CD44: variants seen among roughly 807,000 people sequenced by gnomAD.
CD44 encodes the protein CD44 molecule (IN blood group).
A neutral mutation model predicts 88.8 loss-of-function variants in CD44; 49 were observed. That is an observed-to-expected ratio of 0.55 (90% CI 0.44 to 0.70). The LOEUF (loss-of-function observed/expected upper bound fraction) is 0.70. CD44 is among the 30% of genes least tolerant of loss of function. The pLI, the probability that CD44 is intolerant of heterozygous loss-of-function variation, is 0.00. For missense variants in CD44, 883 were observed against 913.8 expected (o/e 0.97, Z 0.43); for synonymous variants, 325 against 312.3 (o/e 1.04, Z -0.43).
rs201143558 is a variant in CD44 at position 35,201,763 on chromosome 11, G to A, written c.1129G>A (p.Glu377Lys). 10 of 1,613,804 alleles carry A rather than the reference G, an allele frequency of 6.2e-6. No homozygotes were observed. The highest frequency in any genetic ancestry group is 7.6e-6 in the Non-Finnish European group (9 of 1,179,744). Residue 377 changes from glutamate (E) to lysine (K), a missense_variant, in exon 9 of 18, where the codon GAG becomes AAG. By Grantham distance (56) the Glu-to-Lys change is moderately conservative. Around this residue, in one of 2 missense-constraint regions of CD44, gnomAD observed 631 missense variants for 590.9 expected, o/e 1.07. Coordinates refer to ENST00000428726, the MANE Select transcript of CD44 (RefSeq NM_000610.4). ...TCACCATGAGCATCATGAGGAAGAA[G>A]AGACCCCACATTCTACAAGCACAAG... ...LIHHEHHEEE[E>K]TPHSTSTIQA...
intron 1 of CD44, chr11:35,139,647 C>A: frequency 1.4e-6 from 1 of 707,212 alleles, no homozygotes; most frequent in Non-Finnish European, 2.6e-6. Flanking sequence ...GCTAGAGCTG[C>A]AGCACATGGC....
intron 1 of CD44, among the ~76,000 whole-genome samples, chr11:35,165,640 T>A (rs1193246469): frequency 6.6e-6 from 1 of 152,222 alleles, no homozygotes; most frequent in Non-Finnish European, 1.5e-5. Context: ...CTGTCCCAGG[T>A]ATGCACATCA....
At chr11:35,196,088 G>A (rs1425200286) in intron 5 of CD44, among the ~76,000 whole-genome samples, 2 of 152,168 alleles carry the variant, frequency 1.3e-5, no homozygotes, top group Non-Finnish European at 2.9e-5. Context: ...TAAGGAGCTA[G>A]GACTCTGAAG....
rs1485036554 is a variant in CD44 at position 35,209,952 on chromosome 11, C to T, written c.1517-13C>T. On this transcript the variant is annotated splice_polypyrimidine_tract_variant and intron_variant, in intron 12 of 17. Coordinates refer to ENST00000428726, the MANE Select transcript of CD44 (RefSeq NM_000610.4). The stretch of plus-strand genomic sequence containing the variant: ...CTTCAAATTAACACTGGATTCATTC[C>T]TCATTGAAACAGAGCAGAGTAATTC... The T allele has an allele frequency of 5.2e-6, 8 of 1,529,008 alleles. No homozygotes were observed. The highest frequency in any genetic ancestry group is 2.4e-5 in the East Asian group (1 of 41,500). The allele number at this position is 1,529,008 out of a possible 1,614,324, so 94.7% of individuals were successfully genotyped here. A position where few individuals can be genotyped will look rare whatever the true frequency, so the allele number is the denominator to read the frequency against.
chr11:35,195,027 G>A (rs1315397611), intron 5 of CD44, among the ~76,000 whole-genome samples: 1 of 152,216 alleles, frequency 6.6e-6, no homozygotes, highest in South Asian at 2.1e-4. Flanking sequence ...AATCTCAACT[G>A]TAAAGTGTAG....
intron 1 of CD44, among the ~76,000 whole-genome samples, chr11:35,166,736 T>C (rs1043881946): frequency 6.6e-6 from 1 of 152,222 alleles, no homozygotes; most frequent in Non-Finnish European, 1.5e-5. Context: ...ATAGCTCAGT[T>C]GAAAGCAACC....
intron 15 of CD44, among the ~76,000 whole-genome samples, chr11:35,216,147 C>A (rs928724431): frequency 6.6e-6 from 1 of 151,696 alleles, no homozygotes; most frequent in Non-Finnish European, 1.5e-5. Context: ...TCCATAATGA[C>A]CATAATTACT....
chr11:35,162,830 C>T (rs1042961562), intron 1 of CD44, among the ~76,000 whole-genome samples: 5 of 152,068 alleles, frequency 3.3e-5, no homozygotes, highest in African/African-American at 1.2e-4. Context: ...TCTTGGACTG[C>T]GAAGGAGACC....
In CD44 at chr11:35,144,351, G is replaced by A. The variant is rs200930497; in HGVS notation, c.67+4981G>A. Reference sequence around the variant, plus strand: ...CAGGTGGCAGATGCTACCAGGCACCGTGTAGTTTTCAAAGGGGATCTTTTT... The same window carrying A: ...CAGGTGGCAGATGCTACCAGGCACCATGTAGTTTTCAAAGGGGATCTTTTT... On this transcript the variant is annotated intron_variant, in intron 1 of 17. Transcript: ENST00000428726. Among the ~76,000 whole-genome samples the A allele has an allele frequency of 2.6e-5, 4 of 152,352 alleles. No homozygotes were observed. The East Asian group carries it at 5.8e-4, about 22-fold the overall frequency.
chr11:35,183,123 A>C (rs1487706310), intron 3 of CD44, among the ~76,000 whole-genome samples: 1 of 152,208 alleles, frequency 6.6e-6, no homozygotes, highest in Non-Finnish European at 1.5e-5. Flanking sequence ...TGAATTAAAT[A>C]ATAAAGCTAG....
chr11:35,226,302 C>G (rs1374252169), intron 17 of CD44, among the ~76,000 whole-genome samples: 2 of 152,170 alleles, frequency 1.3e-5, no homozygotes, highest in South Asian at 4.1e-4. Context: ...ATTTTTTATG[C>G]TCATAAATCA....
At chr11:35,172,649 G>A (rs2133564807) in intron 1 of CD44, among the ~76,000 whole-genome samples, 2 of 152,190 alleles carry the variant, frequency 1.3e-5, no homozygotes, top group Admixed American at 1.3e-4. Flanking sequence ...TTGTCCTGAT[G>A]AACTTTTCAT....
At chr11:35,200,003 TTTCTTTTTTTTTCTTTTC>T (rs1947163702) in intron 7 of CD44, among the ~76,000 whole-genome samples, 1 of 150,778 alleles carries the variant, frequency 6.6e-6, no homozygotes, top group African/African-American at 2.4e-5. Context: ...AATTTCTGCT[TTTCTTTTTTTTTCTTTTC>T]TGCTTAGCAC....
chr11:35,159,531 G>A (rs1019597085), intron 1 of CD44, among the ~76,000 whole-genome samples: 4 of 152,154 alleles, frequency 2.6e-5, no homozygotes, highest in African/African-American at 7.2e-5. Flanking sequence ...ACTGGGGCCA[G>A]TCATCCAAGG....
In CD44 at chr11:35,192,237, G is replaced by A. The variant is rs1946335602; in HGVS notation, c.667+2172G>A. On this transcript the variant is annotated intron_variant, in intron 5 of 17. Transcript: ENST00000428726. ...CAGGGCTAACCTGAGAGTCACTGAA[G>A]TACTATAGGACCCAATGGGACCAGT... Among the ~76,000 whole-genome samples, 4 of 152,170 alleles carry A rather than the reference G, an allele frequency of 2.6e-5. No individual in the cohort carries two copies. In the South Asian group the frequency reaches 8.3e-4, roughly 31 times the overall value.
intron 1 of CD44, among the ~76,000 whole-genome samples, chr11:35,141,213 C>T (rs962784981): frequency 2.0e-5 from 3 of 152,138 alleles, no homozygotes; most frequent in Admixed American, 2.0e-4. Context: ...TGCTGGCATT[C>T]ACATAGCCAG....
chr11:35,152,357 C>T (rs564998379), intron 1 of CD44, among the ~76,000 whole-genome samples: 1 of 152,278 alleles, frequency 6.6e-6, no homozygotes, highest in East Asian at 1.9e-4. Flanking sequence ...AAGGTATAAA[C>T]AAAAGGCTCC....
rs1204037723 is a variant in CD44, at chr11:35,229,241, G to T, written c.2137G>T (p.Val713Leu). 6.2e-7 allele frequency: 1 copy of T among 1,613,950 alleles called. No homozygotes were observed. The highest frequency in any genetic ancestry group is 8.5e-7 in the Non-Finnish European group (1 of 1,179,948). ...CAAGTCTCAGGAAATGGTGCATTTGGTGAACAAGGAGTCGTCAGAAACTCC... is the reference window on the plus strand; with the variant it reads ...CAAGTCTCAGGAAATGGTGCATTTGTTGAACAAGGAGTCGTCAGAAACTCC... ...ASKSQEMVHL[V>L]NKESSETPDQ... Residue 713 changes from valine to leucine, a missense_variant, in exon 18 of 18, where the codon GTG (valine) becomes TTG (leucine). By Grantham distance (32) the Val-to-Leu change is conservative. Coordinates refer to ENST00000428726, the MANE Select transcript of CD44 (RefSeq NM_000610.4).
intron 1 of CD44, among the ~76,000 whole-genome samples, chr11:35,166,001 A>G (rs531534109): frequency 1.3e-5 from 2 of 152,326 alleles, no homozygotes; most frequent in South Asian, 4.1e-4. Flanking sequence ...CTGTATATTG[A>G]TTAGGTGATG....
Sources: allele counts gnomAD v4.1 joint callset (sites outside exome capture counted in the v4.1 genomes callset), GRCh38; gene constraint gnomAD v4.1.1; regional missense constraint gnomAD v4.1.1; transcripts MANE v1.5; gene names NCBI Gene and HGNC (gene_info 2026-07-23, HGNC 2026-07-21).